Variants in IMMP2L observed in about 807,000 individuals in gnomAD.
IMMP2L encodes the protein mitochondrial inner membrane protease subunit 2.
A neutral mutation model predicts 19.3 loss-of-function variants in IMMP2L; 18 were observed. That is an observed-to-expected ratio of 0.93 (90% CI 0.64 to 1.38). IMMP2L has a LOEUF of 1.38. IMMP2L is among the 40% of genes most tolerant of loss of function. The pLI is 0.00. For synonymous variants in IMMP2L, 76 were observed against 73.0 expected, an observed-to-expected ratio of 1.04 and a Z score of -0.21; for missense variants, 233 against 218.2, an observed-to-expected ratio of 1.07 and a Z score of -0.43.
chr7:110,778,834 T>C (rs1161490815), intron 5 of IMMP2L, among the ~76,000 whole-genome samples: 1 of 151,944 alleles, frequency 6.6e-6, no homozygotes, highest in Non-Finnish European at 1.5e-5. Flanking sequence ...TTTAACACTT[T>C]GGTTTCAGTG....
chr7:111,370,523 A>C lies in IMMP2L; in HGVS notation c.239+116715T>G, dbSNP rs187279280. ...AATACTTTATTGCACCCTTGTTCAAACGTAACTTCCCTGTGCAGTTGACAT... is the reference window on the plus strand; with the variant it reads ...AATACTTTATTGCACCCTTGTTCAACCGTAACTTCCCTGTGCAGTTGACAT... On this transcript the variant is annotated intron_variant, in intron 3 of 5. Transcript: ENST00000405709. Among the ~76,000 whole-genome samples, 67 of 152,140 alleles carry C rather than the reference A, an allele frequency of 4.4e-4. 1 individual carries two copies. Among genetic ancestry groups the C allele is most frequent in the Non-Finnish European group, 5.9e-4 (40 of 67,956 alleles).
intron 3 of IMMP2L, among the ~76,000 whole-genome samples, chr7:111,205,448 T>A (rs894823477): frequency 6.6e-6 from 1 of 152,158 alleles, no homozygotes; most frequent in East Asian, 1.9e-4. Flanking sequence ...TCTATGGAGA[T>A]TGTCACAGAG....
intron 1 of IMMP2L, among the ~76,000 whole-genome samples, chr7:111,529,554 G>A (rs1357328893): frequency 6.6e-6 from 1 of 151,934 alleles, no homozygotes; most frequent in Non-Finnish European, 1.5e-5. Flanking sequence ...TCTCAGGAAA[G>A]ACCAAAATGG....
Position 111,201,878 on chromosome 7 carries a change from T to C in IMMP2L, c.240-238313A>G, listed in dbSNP as rs369292465. Among the ~76,000 whole-genome samples the C allele has an allele frequency of 8.5e-5, 13 of 152,298 alleles. No individual in the cohort carries two copies. The East Asian group carries it at 1.7e-3, about 20-fold the overall frequency. ...GAACACAGCAAGAAAACACTGGCTA[T>C]GTGGAATAAGCCCAAACCAGAAACT... On this transcript the variant is annotated intron_variant, in intron 3 of 5. Coordinates refer to ENST00000405709, the MANE Select transcript of IMMP2L (RefSeq NM_032549.4).
intron 3 of IMMP2L, among the ~76,000 whole-genome samples, chr7:111,453,945 G>T (rs1324729972): frequency 6.6e-6 from 1 of 152,090 alleles, no homozygotes; most frequent in African/African-American, 2.4e-5. Flanking sequence ...ACTTTCAAAT[G>T]TAAAGGGTTA....
intron 4 of IMMP2L, among the ~76,000 whole-genome samples, chr7:110,956,815 T>C (rs1426209059): frequency 2.6e-5 from 4 of 151,968 alleles, no homozygotes; most frequent in African/African-American, 9.7e-5. Flanking sequence ...AGAAGATCTA[T>C]GAAACAGAAA....
intron 3 of IMMP2L, among the ~76,000 whole-genome samples, chr7:111,281,140 CAGAA>C (rs1819683375): frequency 4.9e-5 from 3 of 60,720 alleles, no homozygotes; most frequent in Non-Finnish European, 1.0e-4. Flanking sequence ...GAGAGAAAGA[CAGAA>C]AGACAGAAAG....
chr7:111,381,741 G>A (rs1299182446), intron 3 of IMMP2L, among the ~76,000 whole-genome samples: 1 of 151,902 alleles, frequency 6.6e-6, no homozygotes, highest in South Asian at 2.1e-4. Context: ...CTGAGTATAA[G>A]GAGTCAGAGA....
intron 3 of IMMP2L, among the ~76,000 whole-genome samples, chr7:111,406,000 T>C (rs1341447166): frequency 6.6e-6 from 1 of 152,100 alleles, no homozygotes; most frequent in African/African-American, 2.4e-5. Flanking sequence ...GTGATCTCAC[T>C]AAGGTGCATA....
intron 3 of IMMP2L, among the ~76,000 whole-genome samples, chr7:111,221,348 C>T (rs1027180342): frequency 1.3e-5 from 2 of 151,904 alleles, no homozygotes; most frequent in Admixed American, 6.6e-5. Flanking sequence ...AAAGCATTAC[C>T]CATATCTGTA....
intron 3 of IMMP2L, among the ~76,000 whole-genome samples, chr7:110,994,459 T>C (rs529501108): frequency 2.0e-5 from 3 of 152,286 alleles, no homozygotes; most frequent in South Asian, 4.1e-4. Flanking sequence ...CAATGGGCTA[T>C]AAGCAGAACC....
intron 3 of IMMP2L, among the ~76,000 whole-genome samples, chr7:111,159,382 G>A (rs905534553): frequency 6.6e-6 from 1 of 152,124 alleles, no homozygotes; most frequent in African/African-American, 2.4e-5. Flanking sequence ...CCAAAGTGCT[G>A]GGATTACAAG....
At chr7:110,715,423 T>G (rs924885494) in intron 5 of IMMP2L, among the ~76,000 whole-genome samples, 4 of 152,230 alleles carry the variant, frequency 2.6e-5, no homozygotes, top group Admixed American at 6.5e-5. Flanking sequence ...AACTTTCCTC[T>G]TAACACTGCT....
At position 111,141,647 on chromosome 7, in the gene IMMP2L, T is replaced by A. The variant is rs982209870; in HGVS notation, c.240-178082A>T. On this transcript the variant is annotated intron_variant, in intron 3 of 5. Coordinates refer to ENST00000405709, the MANE Select transcript of IMMP2L (RefSeq NM_032549.4). Reference sequence around the variant, plus strand: ...GGTTTATGGGGGTTTTTATTCCTCATTGGCATTTTAGTGACATTTCAATGA... The same window carrying A: ...GGTTTATGGGGGTTTTTATTCCTCAATGGCATTTTAGTGACATTTCAATGA... Among the ~76,000 whole-genome samples, 9 of 152,164 alleles carry A rather than the reference T, an allele frequency of 5.9e-5. No homozygotes were observed. The East Asian group carries it at 1.5e-3, about 26-fold the overall frequency.
chr7:110,947,544 TCTC>T (rs1457882598), intron 4 of IMMP2L, among the ~76,000 whole-genome samples: 1 of 152,128 alleles, frequency 6.6e-6, no homozygotes, highest in Admixed American at 6.5e-5. Context: ...TGTTCATTGG[TCTC>T]CTCAAAAGCA....
chr7:111,308,574 T>C (rs931793667), intron 3 of IMMP2L, among the ~76,000 whole-genome samples: 13 of 151,976 alleles, frequency 8.6e-5, no homozygotes, highest in Non-Finnish European at 1.8e-4. Context: ...AGTGAACTAC[T>C]ACAATTTAAA....
intron 3 of IMMP2L, chr7:111,411,766 G>A: frequency 5.0e-6 from 1 of 198,626 alleles, no homozygotes; most frequent in Non-Finnish European, 1.1e-5. Context: ...AGGAGGAGCT[G>A]GTGAGCGTCA....
At chr7:111,069,918 G>A (rs1794811027) in intron 3 of IMMP2L, among the ~76,000 whole-genome samples, 1 of 152,114 alleles carries the variant, frequency 6.6e-6, no homozygotes, top group Non-Finnish European at 1.5e-5. Flanking sequence ...AACATATCAT[G>A]AAAGAAACCA....
intron 3 of IMMP2L, among the ~76,000 whole-genome samples, chr7:111,174,969 T>C (rs1440034788): frequency 6.6e-6 from 1 of 151,838 alleles, no homozygotes; most frequent in Non-Finnish European, 1.5e-5. Flanking sequence ...ATGCACTTAA[T>C]AATTTCTTAG....
Sources: allele counts gnomAD v4.1 joint callset (sites outside exome capture counted in the v4.1 genomes callset), GRCh38; gene constraint gnomAD v4.1.1; transcripts MANE v1.5; gene names NCBI Gene and HGNC (gene_info 2026-07-23, HGNC 2026-07-21).